Variants in HPSE2 observed in about 807,000 individuals in gnomAD.
HPSE2 encodes inactive heparanase-2.
A neutral mutation model predicts 60.5 loss-of-function variants in HPSE2; 38 were observed. The ratio of observed to expected loss-of-function variants is 0.63; its 90% CI spans 0.48 to 0.82. The LOEUF (loss-of-function observed/expected upper bound fraction) is 0.82. HPSE2 is among the 40% of genes least tolerant of loss of function. The probability of loss-of-function intolerance (pLI) is 0.00; values close to 1 mark genes in which losing one functional copy is unlikely to be tolerated. For missense variants in HPSE2, 713 were observed against 740.4 expected (o/e 0.96, Z 0.43); for synonymous variants, 295 against 293.2 (o/e 1.01, Z -0.06).
intron 8 of HPSE2, among the ~76,000 whole-genome samples, chr10:98,616,403 T>C (rs974682968): frequency 7.9e-5 from 12 of 152,292 alleles, no homozygotes; most frequent in African/African-American, 2.9e-4. Flanking sequence ...TGGATAAAAT[T>C]AGATTCTCGG....
chr10:99,231,833 C>T (rs1332447167), intron 2 of HPSE2, among the ~76,000 whole-genome samples: 1 of 152,130 alleles, frequency 6.6e-6, no homozygotes, highest in Non-Finnish European at 1.5e-5. Flanking sequence ...TCAAAAACGG[C>T]TGAATTCCTT....
intron 3 of HPSE2, among the ~76,000 whole-genome samples, chr10:98,785,747 T>A (rs1589823185): frequency 9.4e-6 from 1 of 106,164 alleles, no homozygotes; most frequent in East Asian, 2.9e-4. Context: ...GTTTGTAGTA[T>A]TCTCTGATGG....
chr10:98,908,155 G>A (rs1452220165), intron 3 of HPSE2, among the ~76,000 whole-genome samples: 1 of 152,082 alleles, frequency 6.6e-6, no homozygotes, highest in Non-Finnish European at 1.5e-5. Context: ...CCTGCAGTAA[G>A]TTGTTAATTA....
At chr10:98,772,681 T>C (rs1371087060) in intron 3 of HPSE2, among the ~76,000 whole-genome samples, 1 of 152,176 alleles carries the variant, frequency 6.6e-6, no homozygotes, top group Non-Finnish European at 1.5e-5. Flanking sequence ...AGAATTGTGC[T>C]TAATGCAAAT....
chr10:98,608,593 T>C (rs1444477514), intron 9 of HPSE2, among the ~76,000 whole-genome samples: 1 of 152,202 alleles, frequency 6.6e-6, no homozygotes, highest in Non-Finnish European at 1.5e-5. Context: ...TCCCTGGGCA[T>C]GCAGCCCAGG....
chr10:99,214,533 T>G (rs1338370003), intron 2 of HPSE2, among the ~76,000 whole-genome samples: 2 of 152,148 alleles, frequency 1.3e-5, no homozygotes, highest in Non-Finnish European at 2.9e-5. Context: ...TACTAATATG[T>G]GCTATAACAA....
intron 3 of HPSE2, among the ~76,000 whole-genome samples, chr10:98,989,484 C>A (rs1429283617): frequency 7.5e-6 from 1 of 133,498 alleles, no homozygotes; most frequent in South Asian, 2.4e-4. Flanking sequence ...CATCAAACAC[C>A]GGGGACTGTT....
At chr10:98,827,896 A>G (rs1489374287) in intron 3 of HPSE2, among the ~76,000 whole-genome samples, 1 of 152,214 alleles carries the variant, frequency 6.6e-6, no homozygotes, top group Non-Finnish European at 1.5e-5. Context: ...TTATTTAGAT[A>G]AGATTAACAT....
chr10:98,949,383 C>T (rs1170002214), intron 3 of HPSE2, among the ~76,000 whole-genome samples: 1 of 152,038 alleles, frequency 6.6e-6, no homozygotes, highest in Non-Finnish European at 1.5e-5. Context: ...TGGCATTTCT[C>T]ACACCAGAGC....
At chr10:98,624,706 C>A (rs1946161492) in intron 7 of HPSE2, among the ~76,000 whole-genome samples, 1 of 152,194 alleles carries the variant, frequency 6.6e-6, no homozygotes, top group African/African-American at 2.4e-5. Flanking sequence ...TATTTTATAA[C>A]CACTTCGAGC....
At chr10:99,095,044 T>C (rs10883260) in intron 3 of HPSE2, among the ~76,000 whole-genome samples, 76,683 of 151,678 alleles carry the variant, frequency 0.51, 21,135 homozygotes, top group East Asian at 0.65. Flanking sequence ...AAAAATTAGC[T>C]GAGTGTGGTG....
intron 3 of HPSE2, among the ~76,000 whole-genome samples, chr10:98,898,821 T>C (rs536844621): frequency 3.2e-4 from 48 of 152,144 alleles, no homozygotes; most frequent in South Asian, 6.2e-4. Context: ...TGGAAAACAA[T>C]AGAGTCCAGA....
At chr10:98,796,955 C>A (rs1950792191) in intron 3 of HPSE2, among the ~76,000 whole-genome samples, 1 of 152,206 alleles carries the variant, frequency 6.6e-6, no homozygotes, top group Non-Finnish European at 1.5e-5. Flanking sequence ...TCTGCAAAAA[C>A]CACAGTGTTA....
At chr10:98,704,392 A>G (rs1039751534) in intron 5 of HPSE2, among the ~76,000 whole-genome samples, 1 of 148,360 alleles carries the variant, frequency 6.7e-6, no homozygotes, top group African/African-American at 2.5e-5. Flanking sequence ...TTTTTCACAG[A>G]GTTAGAAAAA....
At position 98,917,106 on chromosome 10, in the gene HPSE2, G is replaced by A. The variant is rs529646021; in HGVS notation, c.611-173050C>T. 3.9e-5 allele frequency among the ~76,000 whole-genome samples: 6 copies of A among 152,214 alleles called. No individual in the cohort carries two copies. In the East Asian group the frequency reaches 1.2e-3, roughly 29 times the overall value. ...TCTTGCTTTTTTGTTGGGGGTGTAT[G>A]AAAGGAATCAACAGATCCATCCAAG... On this transcript the variant is annotated intron_variant, in intron 3 of 11. Coordinates refer to ENST00000370552, the MANE Select transcript of HPSE2 (RefSeq NM_021828.5).
intron 2 of HPSE2, among the ~76,000 whole-genome samples, chr10:99,194,682 T>A (rs1039952294): frequency 2.6e-5 from 4 of 151,684 alleles, no homozygotes; most frequent in African/African-American, 9.7e-5. Flanking sequence ...CTCACCAAGA[T>A]TGAACCATGA....
intron 4 of HPSE2, among the ~76,000 whole-genome samples, chr10:98,724,391 G>A (rs1949013423): frequency 6.6e-6 from 1 of 152,054 alleles, no homozygotes; most frequent in Non-Finnish European, 1.5e-5. Context: ...CCAAATATGT[G>A]GTCAATTTTG....
At chr10:98,572,940 G>A (rs1053070725) in intron 9 of HPSE2, among the ~76,000 whole-genome samples, 3 of 152,206 alleles carry the variant, frequency 2.0e-5, no homozygotes, top group Non-Finnish European at 4.4e-5. Context: ...TGGTGGATGA[G>A]ACAGGGATTA....
At chr10:98,732,012 A>C (rs1949240503) in intron 4 of HPSE2, among the ~76,000 whole-genome samples, 1 of 152,186 alleles carries the variant, frequency 6.6e-6, no homozygotes, top group Non-Finnish European at 1.5e-5. Context: ...CCAAAAGTGA[A>C]ATTATAAAAA....
Sources: allele counts gnomAD v4.1 joint callset (sites outside exome capture counted in the v4.1 genomes callset), GRCh38; gene constraint gnomAD v4.1.1; transcripts MANE v1.5; gene names NCBI Gene and HGNC (gene_info 2026-07-23, HGNC 2026-07-21).